RAD52: variants seen among roughly 807,000 people sequenced by gnomAD.
RAD52 encodes the protein DNA repair protein RAD52 homolog.
Under a neutral mutation model 55.5 loss-of-function variants are expected in RAD52, and 47 were observed. The ratio of observed to expected loss-of-function variants is 0.85; its 90% CI spans 0.67 to 1.08. The LOEUF is 1.08. RAD52 is among the 50% of genes least tolerant of loss of function. The pLI is 0.00. For synonymous variants in RAD52, 184 were observed against 198.9 expected (o/e 0.92, Z 0.63); for missense variants, 468 against 522.8 (o/e 0.90, Z 1.02).
chr12:929,653 G>C (rs747918253), intron 5 of RAD52, 166 bp downstream of exon 5: 2 of 795,982 alleles, frequency 2.5e-6, no homozygotes, highest in African/African-American at 3.4e-5. Flanking sequence ...CATTCTTTTA[G>C]GGAGCACATG....
chr12:973,050 C>T (rs1343550397), intron 1 of RAD52, among the ~76,000 whole-genome samples: 1 of 152,130 alleles, frequency 6.6e-6, no homozygotes, highest in Non-Finnish European at 1.5e-5. Context: ...GGGAAGAAAA[C>T]ACAAAAACCA....
intron 7 of RAD52, among the ~76,000 whole-genome samples, chr12:918,418 A>G (rs1159875521): frequency 1.3e-5 from 2 of 152,084 alleles, no homozygotes; most frequent in African/African-American, 4.8e-5. Flanking sequence ...GTTTTTTGAG[A>G]GAGGGTCTCG....
chr12:924,081 C>G (rs1252106081), intron 7 of RAD52, among the ~76,000 whole-genome samples: 2 of 138,362 alleles, frequency 1.4e-5, no homozygotes, highest in Admixed American at 1.5e-4. Flanking sequence ...AAAAAGAAAA[C>G]TTGACTAATA....
chr12:913,238 C>T lies in RAD52; in HGVS notation c.*153G>A. On this transcript the variant is annotated 3_prime_UTR_variant, in exon 12 of 12. Transcript: ENST00000358495. ...AGTGCTCAGCTCTAACTGCAGTGGG[C>T]TCTCAGTCAGATCCTCTTGATAAGG... is the stretch of plus-strand genomic sequence containing the variant. 3 of 688,284 alleles carry T rather than the reference C, an allele frequency of 4.4e-6. No individual in the cohort carries two copies. 42.6% of individuals were successfully genotyped at this position (688,284 alleles called of 1,614,324 possible).
Position 912,727 on chromosome 12 carries a change from A to AAAAAG in RAD52, c.*663_*664insCTTTT. 9.2e-6 allele frequency: 1 copy of AAAAAG among 108,392 alleles called. No individual in the cohort carries two copies. Among genetic ancestry groups the AAAAAG allele is most frequent in the Non-Finnish European group, 2.0e-5 (1 of 50,248 alleles). 6.7% of individuals were successfully genotyped at this position (108,392 alleles called of 1,614,324 possible). A position where few individuals can be genotyped will look rare whatever the true frequency, so the allele number is the denominator to read the frequency against. ...AACACAGCCAGACCCCGTCTCAAAAAAAAAAAAAAAAAAAAAAACAAAAAA... is the reference window on the plus strand; with the variant it reads ...AACACAGCCAGACCCCGTCTCAAAAAAAAAGAAAAAAAAAAAAAAAAAACAAAAAA... On this transcript the variant is annotated 3_prime_UTR_variant, in exon 12 of 12. Coordinates refer to ENST00000358495, the MANE Select transcript of RAD52 (RefSeq NM_134424.4).
chr12:970,839 C>CACCA (rs1958838413), intron 1 of RAD52, among the ~76,000 whole-genome samples: 1 of 152,034 alleles, frequency 6.6e-6, no homozygotes, highest in Non-Finnish European at 1.5e-5. Flanking sequence ...TTACTCTTCT[C>CACCA]ATCAATAACC....
upstream of RAD52, among the ~76,000 whole-genome samples, chr12:952,778 G>C (rs777176002): frequency 8.0e-4 from 119 of 149,168 alleles, no homozygotes; most frequent in Non-Finnish European, 1.6e-3. Context: ...TGTAATCCCA[G>C]CTACTTGGGA....
At chr12:916,969 G>A in intron 7 of RAD52, 149 bp from the exon 8 acceptor site, 1 of 1,083,194 alleles carries the variant, frequency 9.2e-7, no homozygotes, top group Non-Finnish European at 1.3e-6. Flanking sequence ...ATGAGCAGGA[G>A]GAGCCAAACA....
intron 1 of RAD52, among the ~76,000 whole-genome samples, chr12:935,861 T>A (rs560852281): frequency 4.9e-3 from 5 of 1,026 alleles, no homozygotes; most frequent in East Asian, 0.083. Context: ...CTCAAAAAAA[T>A]AAATAAATAA....
chr12:927,547 G>C (rs1038153921), intron 5 of RAD52, among the ~76,000 whole-genome samples: 9 of 152,220 alleles, frequency 5.9e-5, no homozygotes, highest in African/African-American at 1.9e-4. Context: ...CTATCAGTGT[G>C]CATCACCCTA....
At chr12:927,039 G>A (rs1302103251) in intron 6 of RAD52, 106 bp downstream of exon 6, 2 of 1,519,314 alleles carry the variant, frequency 1.3e-6, no homozygotes, top group Non-Finnish European at 1.8e-6. Flanking sequence ...CACGCTGCTT[G>A]GATTTTTGAA....
At chr12:945,480 C>CTGGA (rs1380906147) in intron 1 of RAD52, among the ~76,000 whole-genome samples, 1 of 151,432 alleles carries the variant, frequency 6.6e-6, no homozygotes, top group Admixed American at 6.6e-5. Flanking sequence ...GTTGCCCAGG[C>CTGGA]TGGAGTACAG....
At chr12:955,940 C>G (rs574280614) in intron 1 of RAD52, among the ~76,000 whole-genome samples, 7 of 64,896 alleles carry the variant, frequency 1.1e-4, no homozygotes, top group Non-Finnish European at 2.1e-4. Context: ...GCCACCATGC[C>G]CGGCTAATTT....
At chr12:923,326 G>A (rs188740125) in intron 7 of RAD52, among the ~76,000 whole-genome samples, 23 of 151,950 alleles carry the variant, frequency 1.5e-4, no homozygotes, top group Admixed American at 1.4e-3. Context: ...GATCACATGA[G>A]CCCAGCAGTT....
chr12:951,227 C>T (rs895567135), upstream of RAD52, among the ~76,000 whole-genome samples: 11 of 152,098 alleles, frequency 7.2e-5, no homozygotes, highest in African/African-American at 2.7e-4. Flanking sequence ...ATCCTCCCAC[C>T]TCAGCTTCCC....
chr12:974,742 G>A (rs369591491), intron 1 of RAD52: 20 of 152,264 alleles, frequency 1.3e-4, no homozygotes, highest in East Asian at 1.2e-3. Context: ...GATACTCTAA[G>A]TGTCTTACAT....
chr12:972,916 TG>T (rs1958883690), intron 1 of RAD52, among the ~76,000 whole-genome samples: 2 of 152,180 alleles, frequency 1.3e-5, no homozygotes, highest in East Asian at 3.9e-4. Flanking sequence ...GGGCAAATTT[TG>T]TAGGACATTA....
intron 1 of RAD52, among the ~76,000 whole-genome samples, chr12:970,835 TTCTCA>T (rs1028184098): frequency 7.4e-5 from 11 of 149,186 alleles, no homozygotes; most frequent in Non-Finnish European, 1.4e-4. Flanking sequence ...TTAATTACTC[TTCTCA>T]TCAATAACCA....
chr12:960,468 A>C (rs986032936), intron 1 of RAD52, among the ~76,000 whole-genome samples: 5 of 152,068 alleles, frequency 3.3e-5, no homozygotes, highest in African/African-American at 1.2e-4. Context: ...AGAAATGGAG[A>C]GGTCTGATTT....
Sources: allele counts gnomAD v4.1 joint callset (sites outside exome capture counted in the v4.1 genomes callset), GRCh38; gene constraint gnomAD v4.1.1; transcripts MANE v1.5; gene names NCBI Gene and HGNC (gene_info 2026-07-23, HGNC 2026-07-21).